WDR49: variants seen among roughly 807,000 people sequenced by gnomAD.
WDR49 encodes the protein WD repeat domain 49.
A neutral mutation model predicts 119.5 loss-of-function variants in WDR49; 107 were observed. The observed-to-expected ratio is 0.90, with a 90% CI of 0.77 to 1.05. WDR49 has a LOEUF of 1.05. Among genes scored for constraint, WDR49 ranks in the 50% least tolerant of loss-of-function variants. The pLI is 0.00. For missense variants in WDR49, 1,240 were observed against 1,220.5 expected, an observed-to-expected ratio of 1.02 and a Z score of -0.24; for synonymous variants, 425 against 418.8, an observed-to-expected ratio of 1.01 and a Z score of -0.18.
intron 15 of WDR49, among the ~76,000 whole-genome samples, chr3:167,524,312 G>T (rs147804958): frequency 1.8e-3 from 273 of 151,946 alleles, no homozygotes; most frequent in African/African-American, 6.5e-3. Flanking sequence ...TTGTCAGATA[G>T]ATAGATTGAT....
rs1196977138 is a variant in WDR49, at chr3:167,521,435, G to C, written c.2774+880C>G. Among the ~76,000 whole-genome samples, 5 of 152,228 alleles carry C rather than the reference G, an allele frequency of 3.3e-5. No homozygotes were observed. The South Asian group carries it at 1.0e-3, about 32-fold the overall frequency. ...TTCCTTCTTCCCATCCTCAGTGAAA[G>C]GAAAACTGTGACTACTGAGTTAAAG... On this transcript the variant is annotated intron_variant, in intron 16 of 18. Transcript: ENST00000682715.
intron 18 of WDR49, among the ~76,000 whole-genome samples, chr3:167,499,950 T>G (rs1406845308): frequency 1.3e-5 from 2 of 152,168 alleles, no homozygotes; most frequent in Non-Finnish European, 2.9e-5. Context: ...AAATATTCAT[T>G]TCATATATCC....
chr3:167,618,101 T>C (rs1716689112), intron 5 of WDR49, among the ~76,000 whole-genome samples: 2 of 138,574 alleles, frequency 1.4e-5, no homozygotes, highest in South Asian at 4.3e-4. Context: ...TGCCTGCTTG[T>C]CTATTTTGCT....
chr3:167,513,476 G>T (rs1470390581), intron 16 of WDR49, among the ~76,000 whole-genome samples: 2 of 152,036 alleles, frequency 1.3e-5, no homozygotes, highest in African/African-American at 2.4e-5. Flanking sequence ...AATATGAAAA[G>T]GAAAAACCGT....
At chr3:167,611,132 G>A (rs746951879) in intron 5 of WDR49, among the ~76,000 whole-genome samples, 6 of 151,988 alleles carry the variant, frequency 3.9e-5, no homozygotes, top group Admixed American at 2.6e-4. Context: ...TAATAACTAC[G>A]AATTTTCAAG....
At chr3:167,516,579 T>C (rs1752214456) in intron 16 of WDR49, among the ~76,000 whole-genome samples, 1 of 152,152 alleles carries the variant, frequency 6.6e-6, no homozygotes, top group African/African-American at 2.4e-5. Context: ...TGTGTCTTTA[T>C]AGCAGCATGA....
At position 167,609,988 on chromosome 3, in the gene WDR49, G is replaced by A. The variant is rs375856464; in HGVS notation, c.959-5520C>T. ...TGAAGGAAAAGAGCCATTCCTGGCA[G>A]CATTCATCACCTGCTAACTGAAGAG... On this transcript the variant is annotated intron_variant, in intron 5 of 18. Transcript: ENST00000682715. Among the ~76,000 whole-genome samples the A allele has an allele frequency of 4.6e-5, 7 of 150,960 alleles. No homozygotes were observed. In the East Asian group the frequency reaches 1.2e-3, roughly 25 times the overall value.
chr3:167,484,738 A>C (rs2108190816), intron 18 of WDR49, among the ~76,000 whole-genome samples: 1 of 151,318 alleles, frequency 6.6e-6, no homozygotes, highest in South Asian at 2.1e-4. Context: ...AAACAGGCTG[A>C]TTTGTCAAAT....
chr3:167,508,300 A>T lies in WDR49; in HGVS notation c.2775-2884T>A, dbSNP rs1560257163. The stretch of plus-strand genomic sequence containing the variant: ...GCTTGTTGGACAGGCAACACAGAAC[A>T]CTGATAAAGTACTAACTCTGGAGGC... On this transcript the variant is annotated intron_variant, in intron 16 of 18. Transcript: ENST00000682715. Among the ~76,000 whole-genome samples the T allele has an allele frequency of 2.0e-5, 3 of 152,198 alleles. No homozygotes were observed. The South Asian group carries it at 6.2e-4, about 32-fold the overall frequency.
intron 10 of WDR49, among the ~76,000 whole-genome samples, chr3:167,540,655 G>A (rs146226469): frequency 0.016 from 2,426 of 151,972 alleles, 35 homozygotes; most frequent in Non-Finnish European, 0.027. Context: ...TATAACACCC[G>A]CAAAAGACCA....
At chr3:167,627,809 G>A (rs1047016189) in intron 2 of WDR49, among the ~76,000 whole-genome samples, 3 of 151,950 alleles carry the variant, frequency 2.0e-5, no homozygotes, top group Non-Finnish European at 2.9e-5. Context: ...ATTAGTACAG[G>A]CATATCTCCT....
At chr3:167,603,936 G>C (rs1715904682) in intron 6 of WDR49, among the ~76,000 whole-genome samples, 1 of 151,984 alleles carries the variant, frequency 6.6e-6, no homozygotes, top group African/African-American at 2.4e-5. Context: ...AGCTGTAGTA[G>C]TAGCAACGAA....
At chr3:167,656,599 A>C (rs770769413), upstream of WDR49, among the ~76,000 whole-genome samples, 97 of 152,262 alleles carry the variant, frequency 6.4e-4, no homozygotes, top group Admixed American at 5.2e-4. Context: ...ACAGGAAAGT[A>C]TAATGAGCAG....
intron 8 of WDR49, among the ~76,000 whole-genome samples, chr3:167,574,429 C>G (rs1714126609): frequency 6.6e-6 from 1 of 152,128 alleles, no homozygotes. Context: ...GTTTCTGTAA[C>G]TCAGCAGCTA....
intron 10 of WDR49, among the ~76,000 whole-genome samples, chr3:167,544,358 G>A (rs773422961): frequency 6.6e-6 from 1 of 151,926 alleles, no homozygotes; most frequent in Non-Finnish European, 1.5e-5. Flanking sequence ...CACAGCCAAA[G>A]TAATAGTAAG....
At chr3:167,655,429 G>T (rs1718569201), upstream of WDR49, among the ~76,000 whole-genome samples, 2 of 152,076 alleles carry the variant, frequency 1.3e-5, no homozygotes, top group African/African-American at 4.8e-5. Context: ...ATCTTCTCTA[G>T]GGTCTCTTCC....
intron 2 of WDR49, among the ~76,000 whole-genome samples, chr3:167,628,453 C>G (rs1372935053): frequency 6.6e-6 from 1 of 152,076 alleles, no homozygotes. Context: ...GACAGCCTTA[C>G]TGCTGCTGTG....
At chr3:167,618,286 T>G (rs1265500706) in intron 5 of WDR49, among the ~76,000 whole-genome samples, 1 of 152,184 alleles carries the variant, frequency 6.6e-6, no homozygotes, top group Non-Finnish European at 1.5e-5. Flanking sequence ...TCTAATAAGG[T>G]GACTTGTGTT....
intron 6 of WDR49, among the ~76,000 whole-genome samples, chr3:167,604,058 G>C (rs1255861818): frequency 1.3e-5 from 2 of 151,414 alleles, no homozygotes; most frequent in East Asian, 3.9e-4. Flanking sequence ...TTCACCAATT[G>C]TAATTAAAAA....
Sources: allele counts gnomAD v4.1 joint callset (sites outside exome capture counted in the v4.1 genomes callset), GRCh38; gene constraint gnomAD v4.1.1; transcripts MANE v1.5; gene names NCBI Gene and HGNC (gene_info 2026-07-23, HGNC 2026-07-21).